Variants in FPGS observed in about 807,000 individuals in gnomAD.
FPGS encodes folylpolyglutamate synthase, also known as folylpolyglutamate synthase, mitochondrial.
Under a neutral mutation model 66.5 loss-of-function variants are expected in FPGS, and 53 were observed. The ratio of observed to expected loss-of-function variants is 0.80; its 90% CI spans 0.64 to 1.00. FPGS has a LOEUF of 1.00. Among genes scored for constraint, FPGS ranks in the 50% least tolerant of loss-of-function variants. The pLI, the probability that FPGS is intolerant of heterozygous loss-of-function variation, is 0.00. For synonymous variants in FPGS, 348 were observed against 350.9 expected, an observed-to-expected ratio of 0.99 and a Z score of 0.09; for missense variants, 702 against 807.7, an observed-to-expected ratio of 0.87 and a Z score of 1.59.
rs1829654532 is a variant in FPGS, at chr9:127,802,915, C to A, written c.-10C>A. 2 of 1,364,850 alleles carry A rather than the reference C, an allele frequency of 1.5e-6. No homozygotes were observed. Among genetic ancestry groups the A allele is most frequent in the African/African-American group, 1.5e-5 (1 of 64,940 alleles). The allele number at this position is 1,364,850 out of a possible 1,614,324, so 84.5% of individuals were successfully genotyped here. Reference sequence around the variant, plus strand: ...CCCGGGCCTAGAGCGCTGCCGGGGGCGCCGGGACTATGTCGCGGGCGCGGA... The same window carrying A: ...CCCGGGCCTAGAGCGCTGCCGGGGGAGCCGGGACTATGTCGCGGGCGCGGA... On this transcript the variant is annotated 5_prime_UTR_variant, in exon 1 of 15. Coordinates refer to ENST00000373247, the MANE Select transcript of FPGS (RefSeq NM_004957.6).
rs1242108762 is a variant in FPGS, at chr9:127,806,966, C to G, written c.387-7C>G. 1 of 1,610,008 alleles carries G rather than the reference C, an allele frequency of 6.2e-7. No homozygotes were observed. Among genetic ancestry groups the G allele is most frequent in the East Asian group, 2.2e-5 (1 of 44,854 alleles). ...GGGAGTCCTGATGACCCCAGCTGTC[C>G]CGGCAGCTCTCCCCACCTGGTGCAG... On this transcript the variant is annotated splice_region_variant and splice_polypyrimidine_tract_variant and intron_variant, in intron 4 of 14. Coordinates refer to ENST00000373247, the MANE Select transcript of FPGS (RefSeq NM_004957.6).
chr9:127,813,817 C>T lies in FPGS; in HGVS notation c.*213C>T. ...CCTCTTGGCTGAGATAGCAGAGGGG[C>T]TCCCCGGGTCTCTCACTGTTGCAGT... is the stretch of plus-strand genomic sequence containing the variant. On this transcript the variant is annotated 3_prime_UTR_variant, in exon 15 of 15. Coordinates refer to ENST00000373247, the MANE Select transcript of FPGS (RefSeq NM_004957.6). The T allele has an allele frequency of 1.6e-6, 2 of 1,265,130 alleles. No homozygotes were observed. The highest frequency in any genetic ancestry group is 2.0e-6 in the Non-Finnish European group (2 of 1,009,508). 78.4% of individuals were successfully genotyped at this position (1,265,130 alleles called of 1,614,324 possible).
chr9:127,804,660 T>C lies in FPGS; in HGVS notation c.346T>C (p.Cys116Arg). The C allele has an allele frequency of 2.5e-6, 4 of 1,614,122 alleles. No individual in the cohort carries two copies. The highest frequency in any genetic ancestry group is 1.1e-5 in the South Asian group (1 of 91,080). The change falls in exon 4 of 15, where the codon TGT becomes CGT. Residue 116 changes from cysteine to arginine, a missense_variant. By Grantham distance (180) the Cys-to-Arg change is radical. Coordinates refer to ENST00000373247, the MANE Select transcript of FPGS (RefSeq NM_004957.6). ...GKGSTCAFTE[C>R]ILRSYGLKTG... ...GGGCTCCACCTGTGCCTTCACGGAA[T>C]GTATCCTCCGAAGCTATGGCCTGAA...
Position 127,804,572 on chromosome 9 carries a change from G to A in FPGS, c.321+20G>A. 1 of 1,614,156 alleles carries A rather than the reference G, an allele frequency of 6.2e-7. No homozygotes were observed. On this transcript the variant is annotated intron_variant, in intron 3 of 14. Transcript: ENST00000373247. Reference sequence around the variant, plus strand: ...GGGAAGGTGAGGGGCAGGACCCTGGGGTAGGGGGTCTATTAAGTGGCTGGT... The same window carrying A: ...GGGAAGGTGAGGGGCAGGACCCTGGAGTAGGGGGTCTATTAAGTGGCTGGT...
At chr9:127,806,679 CTGAT>C (rs1386688076) in intron 4 of FPGS, 3 of 408,042 alleles carry the variant, frequency 7.4e-6, no homozygotes, top group Non-Finnish European at 1.4e-5. Flanking sequence ...AGCAGAGTGA[CTGAT>C]TGGTATGGGA....
chr9:127,813,908 G>T lies in FPGS; in HGVS notation c.*304G>T, dbSNP rs1181263277. The T allele has an allele frequency of 8.6e-7, 1 of 1,168,676 alleles. No homozygotes were observed. Among genetic ancestry groups the T allele is most frequent in the African/African-American group, 1.6e-5 (1 of 62,946 alleles). The allele number at this position is 1,168,676 out of a possible 1,614,324, so 72.4% of individuals were successfully genotyped here. A position where few individuals can be genotyped will look rare whatever the true frequency, so the allele number is the denominator to read the frequency against. On this transcript the variant is annotated 3_prime_UTR_variant, in exon 15 of 15. Transcript: ENST00000373247. The stretch of plus-strand genomic sequence containing the variant: ...CCTCCTGGCTCAGGCCCAGCTTATT[G>T]TGTGCGCTGCCTGGCCAGGCCCTGG...
chr9:127,807,233 C>A lies in FPGS; in HGVS notation c.526C>A (p.Pro176Thr), dbSNP rs1247428982. ...TKDGSCVSMPPYFRFLTLMAF... is the reference protein window; with the variant it reads ...TKDGSCVSMPTYFRFLTLMAF... ...GGATGGCAGCTGTGTCTCCATGCCC[C>A]CCTACTTCCGCTTCCTGACACTCAT... Residue 176 changes from proline to threonine, a missense_variant, in exon 6 of 15, where the codon CCC becomes ACC. This residue lies in a region of FPGS where 240 missense variants were observed against 348.6 expected (regional missense o/e 0.69). Coordinates refer to ENST00000373247, the MANE Select transcript of FPGS (RefSeq NM_004957.6). The surrounding 1 kb of genome is among the most constrained non-coding windows in gnomAD (Gnocchi z 5.8). 3.1e-6 allele frequency: 5 copies of A among 1,614,164 alleles called. No individual in the cohort carries two copies. Among genetic ancestry groups the A allele is most frequent in the Non-Finnish European group, 4.2e-6 (5 of 1,180,018 alleles).
Position 127,803,049 on chromosome 9 carries a change from G to C in FPGS, c.125G>C (p.Ser42Thr). 7.0e-7 allele frequency: 1 copy of C among 1,430,896 alleles called. No individual in the cohort carries two copies. Among genetic ancestry groups the C allele is most frequent in the Non-Finnish European group, 9.1e-7 (1 of 1,100,750 alleles). The allele number at this position is 1,430,896 out of a possible 1,614,324, so 88.6% of individuals were successfully genotyped here. The change falls in exon 1 of 15, where the codon AGC becomes ACC. Residue 42 changes from serine to threonine, a missense_variant. Transcript: ENST00000373247. ...GCGTGGCCGGTGCCGCAGGAGCCGA[G>C]CATGGAGTACCAGGTATCAGGCGGG... ...LSAWPVPQEP[S>T]MEYQDAVRML...
At chr9:127,811,683 T>G (rs1440956336) in intron 14 of FPGS, among the ~76,000 whole-genome samples, 1 of 151,970 alleles carries the variant, frequency 6.6e-6, no homozygotes, top group Non-Finnish European at 1.5e-5. Context: ...ACAGGGTTTC[T>G]CCATGTTGGC....
At chr9:127,803,586 A>G (rs1829692781) in intron 1 of FPGS, among the ~76,000 whole-genome samples, 2 of 152,158 alleles carry the variant, frequency 1.3e-5, no homozygotes, top group Non-Finnish European at 2.9e-5. Context: ...CGCTGTGTCA[A>G]GAGCCGGTTG....
At chr9:127,803,699 T>G (rs1047130755) in intron 1 of FPGS, among the ~76,000 whole-genome samples, 1 of 152,024 alleles carries the variant, frequency 6.6e-6, no homozygotes, top group African/African-American at 2.4e-5. Flanking sequence ...GCACGGAATA[T>G]GAGGCCTAAG....
At chr9:127,809,564 G>A in intron 11 of FPGS, 120 bp from the exon 12 acceptor site, 1 of 949,826 alleles carries the variant, frequency 1.1e-6, no homozygotes, top group Non-Finnish European at 1.5e-6. Flanking sequence ...GGGCTGCCGG[G>A]GTCCTGAGTG....
chr9:127,811,972 T>C (rs1830099766), intron 14 of FPGS, among the ~76,000 whole-genome samples: 1 of 152,112 alleles, frequency 6.6e-6, no homozygotes, highest in Non-Finnish European at 1.5e-5. Context: ...TTTGAAATAG[T>C]GTAAAAATTA....
At chr9:127,812,701 G>GGT (rs1830130163) in intron 14 of FPGS, among the ~76,000 whole-genome samples, 1 of 151,338 alleles carries the variant, frequency 6.6e-6, no homozygotes, top group African/African-American at 2.4e-5. Context: ...GTGTGTGTGT[G>GGT]TTTTTTTCAG....
At chr9:127,804,106 C>A (rs1829715605) in intron 1 of FPGS, among the ~76,000 whole-genome samples, 179 bp from the exon 2 acceptor site, 1 of 152,238 alleles carries the variant, frequency 6.6e-6, no homozygotes, top group African/African-American at 2.4e-5. Context: ...TTTGCCAGAG[C>A]TGGAAAGATG....
At position 127,808,330 on chromosome 9, in the gene FPGS, G is replaced by A. The variant is rs118102203; in HGVS notation, c.822+19G>A. ...GATCTCAGTAAGTCTGATTGGAATG[G>A]GGCAGCGGCAGGGTGGGTTTGTGTC... is the stretch of plus-strand genomic sequence containing the variant. On this transcript the variant is annotated intron_variant, in intron 9 of 14. Coordinates refer to ENST00000373247, the MANE Select transcript of FPGS (RefSeq NM_004957.6). 5,361 of 1,607,434 alleles carry A rather than the reference G, an allele frequency of 3.3e-3. 215 individuals are homozygous for A. The East Asian group carries it at 0.082, about 25-fold the overall frequency.
chr9:127,812,150 G>T (rs981900387), intron 14 of FPGS, among the ~76,000 whole-genome samples: 2 of 152,098 alleles, frequency 1.3e-5, no homozygotes, highest in Non-Finnish European at 2.9e-5. Context: ...TCAGGAGGCT[G>T]AAGTGGAAGG....
At chr9:127,814,093 C>G (rs1830215177), downstream of FPGS, 1 of 986,926 alleles carries the variant, frequency 1.0e-6, no homozygotes, top group Non-Finnish European at 1.2e-6. Context: ...CCTTGACCCC[C>G]TGCTCCCTCA....
intron 13 of FPGS, 56 bp downstream of exon 13, chr9:127,810,162 G>A (rs1830012777): frequency 3.4e-6 from 5 of 1,465,684 alleles, no homozygotes; most frequent in African/African-American, 1.4e-5. Flanking sequence ...TGGGTCTGGC[G>A]GTGTGACCCT....
Sources: allele counts gnomAD v4.1 joint callset (sites outside exome capture counted in the v4.1 genomes callset), GRCh38; gene constraint gnomAD v4.1.1; regional missense constraint gnomAD v4.1.1; non-coding constraint Gnocchi (gnomAD v3.1); transcripts MANE v1.5; gene names NCBI Gene and HGNC (gene_info 2026-07-23, HGNC 2026-07-21).